PCDHGA2: variants seen among roughly 807,000 people sequenced by gnomAD.
The protein encoded by PCDHGA2 is protocadherin gamma subfamily A, 2.
Under a neutral mutation model 59.2 loss-of-function variants are expected in PCDHGA2, and 40 were observed. The observed-to-expected ratio is 0.68, with a 90% CI of 0.52 to 0.88. The LOEUF is 0.88. Ranked by LOEUF, PCDHGA2 falls within the 40% of genes least tolerant of loss-of-function variation. The pLI, the probability that PCDHGA2 is intolerant of heterozygous loss-of-function variation, is 0.00. For synonymous variants in PCDHGA2, 560 were observed against 526.0 expected, an observed-to-expected ratio of 1.06 and a Z score of -0.89; for missense variants, 1,226 against 1,204.0, an observed-to-expected ratio of 1.02 and a Z score of -0.27.
intron 1 of PCDHGA2, among the ~76,000 whole-genome samples, chr5:141,349,629 T>C (rs912164191): frequency 2.6e-5 from 4 of 152,136 alleles, no homozygotes; most frequent in Non-Finnish European, 5.9e-5. Context: ...TGATAACATA[T>C]ATATGGAGAG....
chr5:141,401,295 TCA>T (rs2094138879), intron 1 of PCDHGA2, among the ~76,000 whole-genome samples: 2 of 151,856 alleles, frequency 1.3e-5, no homozygotes, highest in Non-Finnish European at 2.9e-5. Flanking sequence ...TGAGCCGAGA[TCA>T]CTCCATTGCA....
intron 1 of PCDHGA2, chr5:141,385,134 G>T (rs774973571): frequency 6.2e-7 from 1 of 1,614,188 alleles, no homozygotes; most frequent in East Asian, 2.2e-5. Flanking sequence ...GCATGGACGG[G>T]GTGCAGGCTT....
rs953428261 is a variant in PCDHGA2, at chr5:141,430,262, T to C, written c.2425-64545T>C. On this transcript the variant is annotated intron_variant, in intron 1 of 3. Coordinates refer to ENST00000394576, the MANE Select transcript of PCDHGA2 (RefSeq NM_018915.4). ...AACTCCTAGGGAGACATCTCCATAA[T>C]AGGTGTGTTGGGGGAACAGTAATCT... Among the ~76,000 whole-genome samples the C allele has an allele frequency of 2.6e-5, 4 of 151,892 alleles. No homozygotes were observed. The East Asian group carries it at 5.8e-4, about 22-fold the overall frequency.
chr5:141,448,966 A>G (rs981772425), intron 1 of PCDHGA2, among the ~76,000 whole-genome samples: 5 of 152,118 alleles, frequency 3.3e-5, no homozygotes, highest in Non-Finnish European at 7.4e-5. Context: ...CAAACAAACA[A>G]AAAAGAACTT....
intron 1 of PCDHGA2, chr5:141,399,438 T>C (rs2093809569): frequency 1.2e-6 from 2 of 1,613,996 alleles, no homozygotes; most frequent in Admixed American, 1.7e-5. Flanking sequence ...TCATCCTACA[T>C]ATCAGAGACG....
chr5:141,450,776 C>G (rs757791026), intron 1 of PCDHGA2, among the ~76,000 whole-genome samples: 1 of 151,440 alleles, frequency 6.6e-6, no homozygotes, highest in Non-Finnish European at 1.5e-5. Flanking sequence ...CATGAGCCAC[C>G]GTGCCCGGAC....
intron 1 of PCDHGA2, among the ~76,000 whole-genome samples, chr5:141,353,694 C>T (rs1759356470): frequency 6.6e-6 from 1 of 152,122 alleles, no homozygotes; most frequent in Admixed American, 6.5e-5. Flanking sequence ...AAGCGTTTTC[C>T]ATACTTCTTG....
At chr5:141,492,506 C>T (rs2154587372) in intron 1 of PCDHGA2, among the ~76,000 whole-genome samples, 2 of 152,318 alleles carry the variant, frequency 1.3e-5, no homozygotes, top group South Asian at 4.1e-4. Context: ...ACTCCGGAGC[C>T]TCCTCTCACC....
chr5:141,393,071 C>G (rs927273885), intron 1 of PCDHGA2: 1 of 1,613,680 alleles, frequency 6.2e-7, no homozygotes, highest in Non-Finnish European at 8.5e-7. Context: ...GCTTGATCAC[C>G]GCGGGCAGGA....
chr5:141,346,700 G>A (rs191297136), intron 1 of PCDHGA2, among the ~76,000 whole-genome samples: 2 of 152,254 alleles, frequency 1.3e-5, no homozygotes, highest in South Asian at 2.1e-4. Context: ...ACTTCCTAGA[G>A]GAATCTGCCA....
At chr5:141,343,896 A>G (rs1344070709) in intron 1 of PCDHGA2, 1 of 771,716 alleles carries the variant, frequency 1.3e-6, no homozygotes, top group African/African-American at 1.8e-5. Context: ...GGCGGCTGCC[A>G]ACCTCACCTC....
chr5:141,478,604 T>C (rs1425759709), intron 1 of PCDHGA2: 2 of 1,562,580 alleles, frequency 1.3e-6, no homozygotes, highest in South Asian at 2.3e-5. Context: ...CTACATCATA[T>C]TGAGGAAGGA....
intron 1 of PCDHGA2, among the ~76,000 whole-genome samples, chr5:141,438,036 C>T (rs1299733977): frequency 4.6e-5 from 7 of 152,026 alleles, no homozygotes; most frequent in South Asian, 2.1e-4. Flanking sequence ...CCACCATGCC[C>T]GACCACTTTG....
intron 1 of PCDHGA2, chr5:141,371,489 C>T (rs548103153): frequency 1.9e-6 from 3 of 1,613,918 alleles, no homozygotes; most frequent in Non-Finnish European, 2.5e-6. Context: ...TGGGGACTGC[C>T]GTTGCCCTGA....
intron 1 of PCDHGA2, chr5:141,385,234 C>T: frequency 1.2e-6 from 2 of 1,614,178 alleles, no homozygotes; most frequent in African/African-American, 1.3e-5. Context: ...TGTAGACATG[C>T]TCATCAGCCA....
intron 1 of PCDHGA2, chr5:141,423,051 CCTG>C (rs771403541): frequency 2.5e-6 from 4 of 1,614,208 alleles, no homozygotes; most frequent in Admixed American, 1.7e-5. Flanking sequence ...TGTCCTATCG[CCTG>C]CTTAAGGCCA....
Position 141,461,919 on chromosome 5 carries a change from G to T in PCDHGA2, c.2425-32888G>T, listed in dbSNP as rs10060711. On this transcript the variant is annotated intron_variant, in intron 1 of 3. Transcript: ENST00000394576. Reference sequence around the variant, plus strand: ...GCTCACTGCAACCTCTGCCTCCTGGGTTCCAGCAATTCTCCTGCCTCAACC... The same window carrying T: ...GCTCACTGCAACCTCTGCCTCCTGGTTTCCAGCAATTCTCCTGCCTCAACC... 5.4e-3 allele frequency among the ~76,000 whole-genome samples: 815 copies of T among 152,214 alleles called. 11 individuals are homozygous for T. Among genetic ancestry groups the T allele is most frequent in the African/African-American group, 0.019 (780 of 41,542 alleles).
intron 1 of PCDHGA2, chr5:141,386,080 T>C (rs752371819): frequency 1.3e-5 from 2 of 152,248 alleles, no homozygotes; most frequent in Non-Finnish European, 2.9e-5. Flanking sequence ...GTTTTAGTGG[T>C]ACAGCCAGAT....
At chr5:141,421,651 A>G in intron 1 of PCDHGA2, 1 of 1,613,868 alleles carries the variant, frequency 6.2e-7, no homozygotes, top group Non-Finnish European at 8.5e-7. Flanking sequence ...AGTGGAGATA[A>G]AAGTCAGTGA....
Sources: gnomAD v4.1 joint callset for allele counts (sites outside exome capture counted in the v4.1 genomes callset) on GRCh38, gnomAD v4.1.1 for gene constraint, MANE v1.5 for transcripts, NCBI Gene and HGNC (gene_info 2026-07-23, HGNC 2026-07-21) for gene names.